The following GMDS variants were observed in gnomAD, a reference collection of about 807,000 sequenced individuals.
GMDS encodes GDP-mannose 4,6 dehydratase.
GMDS carries 20 observed loss-of-function variants against 49.9 expected under a neutral mutation model. That is an observed-to-expected ratio of 0.40 (90% confidence interval 0.28 to 0.58). The LOEUF is 0.58. GMDS is among the 20% of genes least tolerant of loss of function. The probability of loss-of-function intolerance (pLI) is 0.42; values close to 1 mark genes in which losing one functional copy is unlikely to be tolerated. For synonymous variants in GMDS, 177 were observed against 178.6 expected (o/e 0.99, Z 0.07); for missense variants, 362 against 481.4 (o/e 0.75, Z 2.32).
chr6:1,912,232 G>A (rs1761102611), intron 7 of GMDS, among the ~76,000 whole-genome samples: 3 of 152,100 alleles, frequency 2.0e-5, no homozygotes, highest in Admixed American at 6.5e-5. Flanking sequence ...CAGGTGCGGT[G>A]GCGGGCGCCT....
At chr6:2,242,499 C>T (rs768795525) in intron 1 of GMDS, among the ~76,000 whole-genome samples, 1 of 152,228 alleles carries the variant, frequency 6.6e-6, no homozygotes, top group Non-Finnish European at 1.5e-5. Context: ...CCTGGCTGTC[C>T]GCACTATTCT....
chr6:2,223,660 G>A (rs1780696016), intron 1 of GMDS, among the ~76,000 whole-genome samples: 1 of 152,134 alleles, frequency 6.6e-6, no homozygotes, highest in Non-Finnish European at 1.5e-5. Flanking sequence ...ACGATAGGAT[G>A]ACTCCAAGAT....
intron 1 of GMDS, among the ~76,000 whole-genome samples, chr6:2,228,154 T>C (rs1364330256): frequency 1.3e-5 from 2 of 152,212 alleles, no homozygotes; most frequent in African/African-American, 4.8e-5. Flanking sequence ...TTGGTTCCTC[T>C]TGGATATAAA....
chr6:2,181,174 C>CAAAAAAAA (rs755377915), intron 1 of GMDS, among the ~76,000 whole-genome samples: 2 of 51,322 alleles, frequency 3.9e-5, no homozygotes, highest in East Asian at 4.8e-4. Context: ...GACTCCATCT[C>CAAAAAAAA]AAAAAAAAAA....
At chr6:2,042,958 T>A (rs931299307) in intron 4 of GMDS, among the ~76,000 whole-genome samples, 1 of 152,204 alleles carries the variant, frequency 6.6e-6, no homozygotes, top group Non-Finnish European at 1.5e-5. Flanking sequence ...AGCATCCATA[T>A]GACACTTTCT....
At chr6:2,149,219 CTTA>C (rs1287336132) in intron 1 of GMDS, among the ~76,000 whole-genome samples, 2 of 152,042 alleles carry the variant, frequency 1.3e-5, no homozygotes, top group African/African-American at 2.4e-5. Flanking sequence ...ACTATATATT[CTTA>C]TTAATTGGAA....
intron 4 of GMDS, among the ~76,000 whole-genome samples, chr6:2,090,287 G>T (rs1773242966): frequency 6.6e-6 from 1 of 152,102 alleles, no homozygotes; most frequent in Non-Finnish European, 1.5e-5. Flanking sequence ...GGAAATACCT[G>T]GTCCCAAATC....
intron 9 of GMDS, among the ~76,000 whole-genome samples, chr6:1,653,930 A>C (rs1041046310): frequency 6.6e-6 from 1 of 152,212 alleles, no homozygotes; most frequent in South Asian, 2.1e-4. Context: ...GGGCAACACG[A>C]GTAAAAGCAG....
intron 7 of GMDS, among the ~76,000 whole-genome samples, chr6:1,852,500 C>T (rs908381287): frequency 6.6e-6 from 1 of 152,176 alleles, no homozygotes; most frequent in African/African-American, 2.4e-5. Context: ...TGAGAGCAAA[C>T]GAGTTTAACA....
intron 8 of GMDS, among the ~76,000 whole-genome samples, chr6:1,734,006 C>T (rs757226111): frequency 6.6e-5 from 10 of 152,106 alleles, no homozygotes; most frequent in Admixed American, 1.3e-4. Flanking sequence ...GAAAGGAGGG[C>T]GGGTGCCGTT....
At chr6:2,224,048 G>A (rs971006045) in intron 1 of GMDS, among the ~76,000 whole-genome samples, 2 of 152,214 alleles carry the variant, frequency 1.3e-5, no homozygotes, top group Non-Finnish European at 2.9e-5. Context: ...GATAACACAC[G>A]CCAACAAAGC....
At chr6:2,000,370 A>G (rs1766724208) in intron 4 of GMDS, among the ~76,000 whole-genome samples, 2 of 151,602 alleles carry the variant, frequency 1.3e-5, no homozygotes, top group Non-Finnish European at 2.9e-5. Flanking sequence ...TACAACTATC[A>G]CCATAGTCCA....
At chr6:1,841,601 A>G (rs1757154325) in intron 7 of GMDS, among the ~76,000 whole-genome samples, 1 of 152,232 alleles carries the variant, frequency 6.6e-6, no homozygotes, top group African/African-American at 2.4e-5. Context: ...GACGCTATTA[A>G]TATCAGAATG....
At chr6:2,162,638 A>G (rs1777457203) in intron 1 of GMDS, among the ~76,000 whole-genome samples, 1 of 151,102 alleles carries the variant, frequency 6.6e-6, no homozygotes, top group Admixed American at 6.6e-5. Context: ...GAATAAAAAT[A>G]TCAGGTTTTC....
chr6:1,784,497 G>A (rs1009655581), intron 7 of GMDS, among the ~76,000 whole-genome samples: 1 of 152,052 alleles, frequency 6.6e-6, no homozygotes, highest in African/African-American at 2.4e-5. Flanking sequence ...GGGGCGGGAA[G>A]GAGAGCAGAG....
chr6:1,863,176 G>C (rs1158035959), intron 7 of GMDS, among the ~76,000 whole-genome samples: 1 of 152,054 alleles, frequency 6.6e-6, no homozygotes, highest in Non-Finnish European at 1.5e-5. Flanking sequence ...GGGGCTAGGG[G>C]GATCTTAATG....
chr6:2,106,705 A>T (rs546420381), intron 4 of GMDS, among the ~76,000 whole-genome samples: 1 of 152,196 alleles, frequency 6.6e-6, no homozygotes, highest in African/African-American at 2.4e-5. Flanking sequence ...TCTACTAAAA[A>T]TACAAAAATT....
chr6:2,160,620 C>G (rs915890376), intron 1 of GMDS, among the ~76,000 whole-genome samples: 1 of 152,178 alleles, frequency 6.6e-6, no homozygotes, highest in Non-Finnish European at 1.5e-5. Flanking sequence ...TGGCTCGCTA[C>G]AGCCTCAACC....
At chr6:2,168,861 T>C (rs1030551411) in intron 1 of GMDS, among the ~76,000 whole-genome samples, 4 of 152,242 alleles carry the variant, frequency 2.6e-5, no homozygotes, top group African/African-American at 9.6e-5. Flanking sequence ...AATTTTGATG[T>C]ATTTCTAAGT....
Sources: gnomAD v4.1 joint callset for allele counts (sites outside exome capture counted in the v4.1 genomes callset) on GRCh38, gnomAD v4.1.1 for gene constraint, MANE v1.5 for transcripts, NCBI Gene and HGNC (gene_info 2026-07-23, HGNC 2026-07-21) for gene names.